The following UGT1A9 variants were observed in gnomAD, a reference collection of about 807,000 sequenced individuals.
The protein encoded by UGT1A9 is UDP-glucuronosyltransferase 1A9.
Under a neutral mutation model 45.0 loss-of-function variants are expected in UGT1A9, and 35 were observed. That is an observed-to-expected ratio of 0.78 (90% CI 0.59 to 1.03). The LOEUF is 1.03. UGT1A9 is among the 50% of genes least tolerant of loss of function. UGT1A9 has a pLI of 0.00. For synonymous variants in UGT1A9, 278 were observed against 250.6 expected (o/e 1.11, Z -1.03); for missense variants, 687 against 666.6 (o/e 1.03, Z -0.34).
chr2:233,750,285 G>A (rs886934345), intron 1 of UGT1A9, among the ~76,000 whole-genome samples: 2 of 151,944 alleles, frequency 1.3e-5, no homozygotes, highest in African/African-American at 4.9e-5. Context: ...GAGACTGGTG[G>A]CATTTTGCCC....
intron 1 of UGT1A9, chr2:233,690,497 A>T: frequency 7.8e-7 from 1 of 1,289,754 alleles, no homozygotes. Context: ...TGCTCTTGCC[A>T]ACAGAGATTT....
intron 1 of UGT1A9, chr2:233,740,656 G>A (rs17862875): frequency 0.3 from 44,719 of 151,578 alleles, 6,954 homozygotes; most frequent in South Asian, 0.39. Flanking sequence ...TGTACTTGGT[G>A]AGAAGGTACA....
chr2:233,725,993 G>C (rs28899191), intron 1 of UGT1A9, among the ~76,000 whole-genome samples: 10,378 of 151,980 alleles, frequency 0.068, 500 homozygotes, highest in East Asian at 0.2. Flanking sequence ...TGCTGAGACT[G>C]CATCTCTACA....
At chr2:233,711,505 T>G (rs1445955965) in intron 1 of UGT1A9, among the ~76,000 whole-genome samples, 1 of 152,204 alleles carries the variant, frequency 6.6e-6, no homozygotes, top group Non-Finnish European at 1.5e-5. Context: ...AATCCCTTTC[T>G]AGCGCTCTGT....
chr2:233,721,950 T>C (rs1362850553), intron 1 of UGT1A9: 2 of 360,066 alleles, frequency 5.6e-6, no homozygotes, highest in Admixed American at 6.4e-5. Context: ...TTGGTGGCTC[T>C]TTGTATATGC....
intron 1 of UGT1A9, among the ~76,000 whole-genome samples, chr2:233,707,114 C>T (rs911479241): frequency 3.9e-5 from 6 of 152,140 alleles, no homozygotes; most frequent in Non-Finnish European, 7.4e-5. Flanking sequence ...CCCCAAAATA[C>T]TCTGCATTAG....
rs1559334131 is a variant in UGT1A9 at position 233,672,196 on chromosome 2, CG to C, written c.265del (p.Glu89SerfsTer21). The C allele has an allele frequency of 2.5e-6, 4 of 1,614,084 alleles. No individual in the cohort carries two copies. Among genetic ancestry groups the C allele is most frequent in the Non-Finnish European group, 3.4e-6 (4 of 1,180,004 alleles). On this transcript the variant is annotated frameshift_variant, in exon 1 of 5. Transcript: ENST00000354728. LOFTEE classifies it high-confidence loss of function. ...TTCATATACCCTGGAGGATCTGGAC[CG>C]GGAGTTCAAGGCTTTTGCCCATGCT... is the stretch of plus-strand genomic sequence containing the variant. ...STSYTLEDLDREFKAFAHAQW... is the reference protein window; with the variant it reads ...STSYTLEDLDXEFKAFAHAQW...
chr2:233,724,182 C>T (rs1411199563), intron 1 of UGT1A9, among the ~76,000 whole-genome samples: 18 of 119,544 alleles, frequency 1.5e-4, no homozygotes, highest in African/African-American at 3.0e-4. Flanking sequence ...ATCTCCCTCC[C>T]GGACGGGGTG....
intron 1 of UGT1A9, among the ~76,000 whole-genome samples, chr2:233,680,883 C>T (rs142329084): frequency 9.9e-5 from 15 of 152,050 alleles, no homozygotes; most frequent in East Asian, 2.0e-4. Context: ...AGCATAGGGA[C>T]GGCGACTCAC....
chr2:233,716,153 A>G (rs2076488369), intron 1 of UGT1A9, among the ~76,000 whole-genome samples: 1 of 152,066 alleles, frequency 6.6e-6, no homozygotes. Flanking sequence ...TTCCATTTCC[A>G]TGGAGATGCA....
chr2:233,689,041 A>G (rs1448719900), intron 1 of UGT1A9, among the ~76,000 whole-genome samples: 1 of 152,142 alleles, frequency 6.6e-6, no homozygotes, highest in African/African-American at 2.4e-5. Context: ...ATCCTACTTT[A>G]TGTCTCTTCT....
intron 1 of UGT1A9, chr2:233,682,813 C>T (rs540122920): frequency 3.1e-5 from 50 of 1,593,566 alleles, no homozygotes; most frequent in Non-Finnish European, 4.1e-5. Context: ...TCCCCTTTAG[C>T]ACATTAAGAA....
intron 1 of UGT1A9, among the ~76,000 whole-genome samples, chr2:233,720,006 T>G (rs1403033451): frequency 6.6e-6 from 1 of 152,190 alleles, no homozygotes; most frequent in Non-Finnish European, 1.5e-5. Context: ...CATTCAGAAC[T>G]GATCCATCCT....
intron 1 of UGT1A9, among the ~76,000 whole-genome samples, chr2:233,724,190 G>T (rs1456907439): frequency 1.6e-5 from 2 of 128,342 alleles, no homozygotes; most frequent in Non-Finnish European, 3.3e-5. Flanking sequence ...CCCGGACGGG[G>T]TGGCTGGCCG....
intron 1 of UGT1A9, among the ~76,000 whole-genome samples, chr2:233,759,961 C>T (rs1009122794): frequency 6.6e-6 from 1 of 152,158 alleles, no homozygotes; most frequent in Non-Finnish European, 1.5e-5. Context: ...ACATAGTCGT[C>T]CTTCTTCCTC....
chr2:233,701,815 T>C (rs569445521), intron 1 of UGT1A9, among the ~76,000 whole-genome samples: 1 of 152,210 alleles, frequency 6.6e-6, no homozygotes, highest in South Asian at 2.1e-4. Flanking sequence ...AGACACAACA[T>C]ACCAGAATCT....
intron 1 of UGT1A9, chr2:233,755,206 C>T (rs1478561208): frequency 9.3e-7 from 1 of 1,072,996 alleles, no homozygotes; most frequent in Non-Finnish European, 1.3e-6. Flanking sequence ...TTGCGGTACG[C>T]CTTCTTGATA....
At chr2:233,709,707 T>A (rs1363464719) in intron 1 of UGT1A9, among the ~76,000 whole-genome samples, 1 of 152,230 alleles carries the variant, frequency 6.6e-6, no homozygotes, top group Admixed American at 6.5e-5. Flanking sequence ...TGTTCTTTTT[T>A]AATTGAATGA....
At chr2:233,748,764 A>G (rs1260717219) in intron 1 of UGT1A9, among the ~76,000 whole-genome samples, 3 of 151,530 alleles carry the variant, frequency 2.0e-5, no homozygotes, top group Non-Finnish European at 4.4e-5. Flanking sequence ...TTTTGGTTGC[A>G]GGTCAATTGG....
Sources: allele counts gnomAD v4.1 joint callset (sites outside exome capture counted in the v4.1 genomes callset), GRCh38; gene constraint gnomAD v4.1.1; transcripts MANE v1.5; gene names NCBI Gene and HGNC (gene_info 2026-07-23, HGNC 2026-07-21).